CLIC6: variants seen among roughly 807,000 people sequenced by gnomAD.
CLIC6 encodes the protein chloride intracellular channel protein 6.
CLIC6 carries 39 observed loss-of-function variants against 49.2 expected under a neutral mutation model. That is an observed-to-expected ratio of 0.79 (90% CI 0.61 to 1.04). The LOEUF (loss-of-function observed/expected upper bound fraction) is 1.04. CLIC6 is among the 50% of genes least tolerant of loss of function. The pLI is 0.00. For synonymous variants in CLIC6, 446 were observed against 433.4 expected (o/e 1.03, Z -0.36); for missense variants, 988 against 993.1 (o/e 0.99, Z 0.07).
chr21:34,689,262 C>A (rs906047699), intron 1 of CLIC6, among the ~76,000 whole-genome samples: 1 of 152,208 alleles, frequency 6.6e-6, no homozygotes, highest in African/African-American at 2.4e-5. Context: ...ACACCTCCAG[C>A]AGTCGTGGTG....
In CLIC6 at chr21:34,708,928, A is replaced by G. The variant is rs1202720873; in HGVS notation, c.1717+122A>G. 2.3e-5 allele frequency: 16 copies of G among 710,976 alleles called. No individual in the cohort carries two copies. The Admixed American group carries it at 3.9e-4, about 18-fold the overall frequency. The allele number at this position is 710,976 out of a possible 1,614,324, so 44.0% of individuals were successfully genotyped here. Reference sequence around the variant, plus strand: ...TGGGTAGAGAAGTGAGTCTGGAGCTACAGAAAAAGTGCCTCCAACTTTGAA... The same window carrying G: ...TGGGTAGAGAAGTGAGTCTGGAGCTGCAGAAAAAGTGCCTCCAACTTTGAA... On this transcript the variant is annotated intron_variant, in intron 4 of 5. Transcript: ENST00000349499.
intron 5 of CLIC6, among the ~76,000 whole-genome samples, chr21:34,714,970 C>T (rs973917681): frequency 6.6e-6 from 1 of 152,176 alleles, no homozygotes; most frequent in East Asian, 1.9e-4. Context: ...TTAACATGAG[C>T]ATCAAGAAGT....
chr21:34,690,563 G>A lies in CLIC6; in HGVS notation c.1375-16717G>A, dbSNP rs1478287535. Among the ~76,000 whole-genome samples, 4 of 152,174 alleles carry A rather than the reference G, an allele frequency of 2.6e-5. No individual in the cohort carries two copies. The East Asian group carries it at 7.7e-4, about 29-fold the overall frequency. On this transcript the variant is annotated intron_variant, in intron 1 of 5. Transcript: ENST00000349499. ...AATGCCAGCCTCTCCTTTGTGTGGT[G>A]TAGGTGTGTTTGTTCATCTGCAGGT... is the stretch of plus-strand genomic sequence containing the variant.
At chr21:34,694,057 C>T (rs1397819903) in intron 1 of CLIC6, among the ~76,000 whole-genome samples, 3 of 149,504 alleles carry the variant, frequency 2.0e-5, no homozygotes, top group African/African-American at 7.4e-5. Context: ...ACTGCAAGCT[C>T]CGCCTCCTGG....
At chr21:34,690,246 G>A (rs78422581) in intron 1 of CLIC6, among the ~76,000 whole-genome samples, 23 of 152,118 alleles carry the variant, frequency 1.5e-4, no homozygotes, top group Admixed American at 2.6e-4. Context: ...GATCAGCCTC[G>A]AGGCCAGTGC....
In CLIC6 at chr21:34,670,530, C is replaced by A; in HGVS notation, c.1142C>A (p.Pro381Gln). ...EERRERSPEG[P>Q]REEEAAGGEE... The stretch of plus-strand genomic sequence containing the variant: ...AGACGAGAGCGGAGCCCGGAGGGGC[C>A]AAGGGAGGAGGAAGCAGCGGGGGGC... Residue 381 changes from proline (P) to glutamine (Q), a missense_variant, in exon 1 of 6, where the codon CCA (proline) becomes CAA (glutamine). This residue lies in a region of CLIC6 where 647 missense variants were observed against 596.9 expected (regional missense o/e 1.08). Transcript: ENST00000349499. The A allele has an allele frequency of 6.7e-7, 1 of 1,500,610 alleles. No individual in the cohort carries two copies. The allele number at this position is 1,500,610 out of a possible 1,614,324, so 93.0% of individuals were successfully genotyped here.
chr21:34,706,356 T>C (rs2056014719), intron 1 of CLIC6, among the ~76,000 whole-genome samples: 1 of 152,200 alleles, frequency 6.6e-6, no homozygotes, highest in African/African-American at 2.4e-5. Flanking sequence ...AAACCATTCA[T>C]GAGAAATCCA....
intron 1 of CLIC6, among the ~76,000 whole-genome samples, chr21:34,700,839 G>A (rs925472268): frequency 1.4e-5 from 2 of 139,624 alleles, no homozygotes; most frequent in African/African-American, 2.9e-5. Context: ...TGCCACCTCC[G>A]CCACGGGTCA....
chr21:34,703,280 C>T (rs1026735035), intron 1 of CLIC6, among the ~76,000 whole-genome samples: 4 of 152,200 alleles, frequency 2.6e-5, no homozygotes, highest in African/African-American at 9.7e-5. Context: ...GAGAAAAGTG[C>T]TTACTTGATG....
intron 1 of CLIC6, among the ~76,000 whole-genome samples, chr21:34,681,218 G>C (rs1989773963): frequency 6.6e-6 from 1 of 152,228 alleles, no homozygotes; most frequent in South Asian, 2.1e-4. Flanking sequence ...GGAAGGAGAA[G>C]TGCTGAGTGA....
Position 34,716,857 on chromosome 21 carries a change from C to A in CLIC6, c.*375C>A, listed in dbSNP as rs60037226. 4,752 of 135,454 alleles carry A rather than the reference C, an allele frequency of 0.035. 81 individuals are homozygous for A. The highest frequency in any genetic ancestry group is 0.11 in the Middle Eastern group (30 of 262). 8.4% of individuals were successfully genotyped at this position (135,454 alleles called of 1,614,324 possible). A position where few individuals can be genotyped will look rare whatever the true frequency, so the allele number is the denominator to read the frequency against. On this transcript the variant is annotated 3_prime_UTR_variant, in exon 6 of 6. Transcript: ENST00000349499. ...TCTCTCTCTCTCTCTCTCTCTCTCT[C>A]TCTATCACACACACACACACACACA...
chr21:34,716,237 A>G, intron 5 of CLIC6, 84 bp from the exon 6 acceptor site: 2 of 1,127,092 alleles, frequency 1.8e-6, no homozygotes, highest in Non-Finnish European at 2.6e-6. Context: ...AATGTATTGC[A>G]TGCCTCAGAA....
intron 1 of CLIC6, among the ~76,000 whole-genome samples, chr21:34,691,665 A>G (rs1012298992): frequency 8.5e-5 from 13 of 152,306 alleles, no homozygotes; most frequent in African/African-American, 2.9e-4. Context: ...GAAAAATACC[A>G]TCCCACTCTA....
At position 34,716,584 on chromosome 21, in the gene CLIC6, T is replaced by A; in HGVS notation, c.*102T>A. The A allele has an allele frequency of 2.3e-6, 2 of 884,716 alleles. No homozygotes were observed. The highest frequency in any genetic ancestry group is 3.2e-6 in the Non-Finnish European group (2 of 617,560). 54.8% of individuals were successfully genotyped at this position (884,716 alleles called of 1,614,324 possible). A position where few individuals can be genotyped will look rare whatever the true frequency, so the allele number is the denominator to read the frequency against. ...GTTTGGGTTCAATTCCTTCAATTTT[T>A]AAAAAACTGGTCTCTGAGAGTTTTT... On this transcript the variant is annotated 3_prime_UTR_variant, in exon 6 of 6. Coordinates refer to ENST00000349499, the MANE Select transcript of CLIC6 (RefSeq NM_053277.3).
chr21:34,694,668 A>G (rs1297828802), intron 1 of CLIC6, among the ~76,000 whole-genome samples: 1 of 152,120 alleles, frequency 6.6e-6, no homozygotes, highest in African/African-American at 2.4e-5. Context: ...TGCTTCCTGT[A>G]CAGCCTGCAG....
At chr21:34,701,951 G>A (rs917171650) in intron 1 of CLIC6, among the ~76,000 whole-genome samples, 5 of 152,044 alleles carry the variant, frequency 3.3e-5, no homozygotes, top group Non-Finnish European at 5.9e-5. Flanking sequence ...TCCTCCCGTA[G>A]ATGTGACTCT....
Position 34,670,483 on chromosome 21 carries a change from G to T in CLIC6, c.1095G>T (p.Gln365His), listed in dbSNP as rs1989533372. The change falls in exon 1 of 6, where the codon CAG (glutamine) becomes CAT (histidine). Residue 365 changes from glutamine (Q) to histidine (H), a missense_variant. Transcript: ENST00000349499. ...ACAGGGTAGGGGATGGGCCACAGCA[G>T]GAGCCGGGGGAGGACGAAGAGAGAC... ...GEDRVGDGPQ[Q>H]EPGEDEERRE... 6.7e-7 allele frequency: 1 copy of T among 1,491,918 alleles called. No homozygotes were observed. The highest frequency in any genetic ancestry group is 8.9e-7 in the Non-Finnish European group (1 of 1,120,758). The allele number at this position is 1,491,918 out of a possible 1,614,324, so 92.4% of individuals were successfully genotyped here. A position where few individuals can be genotyped will look rare whatever the true frequency, so the allele number is the denominator to read the frequency against.
intron 1 of CLIC6, among the ~76,000 whole-genome samples, chr21:34,685,872 A>G (rs942134544): frequency 5.9e-5 from 9 of 152,220 alleles, no homozygotes; most frequent in African/African-American, 2.2e-4. Context: ...ATGGCTGAGT[A>G]CAAAACAACA....
In CLIC6 at chr21:34,669,887, G is replaced by A. The variant is rs1045738840; in HGVS notation, c.499G>A (p.Gly167Arg). Reference protein sequence around the residue: ...GDSVDAEGPLGDNIEAEGPAG... With the variant: ...GDSVDAEGPLRDNIEAEGPAG... ...CAGCGTAGACGCGGAGGGCCCGCTG[G>A]GGGACAACATAGAAGCGGAGGGCCC... Residue 167 changes from glycine (G) to arginine (R), a missense_variant, in exon 1 of 6, where the codon GGG becomes AGG. Gly to Arg is a moderately radical substitution (Grantham distance 125). This residue lies in a region of CLIC6 where 284 missense variants were observed against 278.6 expected (regional missense o/e 1.02). Transcript: ENST00000349499. The A allele has an allele frequency of 1.5e-6, 2 of 1,330,046 alleles. No homozygotes were observed. The highest frequency in any genetic ancestry group is 1.6e-5 in the African/African-American group (1 of 63,646). The allele number at this position is 1,330,046 out of a possible 1,614,324, so 82.4% of individuals were successfully genotyped here.
Sources: gnomAD v4.1 joint callset for allele counts (sites outside exome capture counted in the v4.1 genomes callset) on GRCh38, gnomAD v4.1.1 for gene constraint, gnomAD v4.1.1 regional missense constraint, MANE v1.5 for transcripts, NCBI Gene and HGNC (gene_info 2026-07-23, HGNC 2026-07-21) for gene names.